The following SNX29 variants were observed in gnomAD, a reference collection of about 807,000 sequenced individuals.
The protein encoded by SNX29 is sorting nexin 29.
In SNX29, 78 loss-of-function variants were observed where a neutral mutation model predicts 102.1. The ratio of observed to expected loss-of-function variants is 0.76; its 90% CI spans 0.64 to 0.92. The LOEUF is 0.92. Ranked by LOEUF, SNX29 falls within the 40% of genes least tolerant of loss-of-function variation. The pLI is 0.00. For synonymous variants in SNX29, 580 were observed against 414.5 expected (o/e 1.40, Z -4.85); for missense variants, 1,280 against 1,061.7 (o/e 1.21, Z -2.86).
intron 11 of SNX29, among the ~76,000 whole-genome samples, chr16:12,084,594 T>C (rs1447803304): frequency 6.6e-6 from 1 of 152,118 alleles, no homozygotes; most frequent in Non-Finnish European, 1.5e-5. Flanking sequence ...CCATGTGCCC[T>C]CAGGGCCGGG....
At chr16:12,183,803 A>G (rs1428741075) in intron 13 of SNX29, among the ~76,000 whole-genome samples, 1 of 152,230 alleles carries the variant, frequency 6.6e-6, no homozygotes, top group East Asian at 1.9e-4. Flanking sequence ...AACAGTTTGC[A>G]GTAAAGAAGC....
intron 20 of SNX29, among the ~76,000 whole-genome samples, chr16:12,541,201 A>G (rs771437578): frequency 6.6e-6 from 1 of 152,156 alleles, no homozygotes; most frequent in Non-Finnish European, 1.5e-5. Flanking sequence ...CTGAAGTATT[A>G]TGGAATATTG....
intron 13 of SNX29, among the ~76,000 whole-genome samples, chr16:12,190,454 G>T (rs562337793): frequency 5.9e-5 from 9 of 152,188 alleles, no homozygotes; most frequent in Non-Finnish European, 1.3e-4. Context: ...GAATACGCTG[G>T]GGGCAGAGGA....
At chr16:11,988,275 C>T (rs921850278) in intron 1 of SNX29, among the ~76,000 whole-genome samples, 5 of 136,270 alleles carry the variant, frequency 3.7e-5, no homozygotes, top group Non-Finnish European at 6.2e-5. Flanking sequence ...GCCTGGGCGA[C>T]AGAGTGCGAC....
At chr16:12,346,678 T>C (rs974728413) in intron 15 of SNX29, among the ~76,000 whole-genome samples, 4 of 152,222 alleles carry the variant, frequency 2.6e-5, no homozygotes, top group Non-Finnish European at 5.9e-5. Flanking sequence ...AGCAGAGGGC[T>C]GGGGCTCCAG....
rs116525451 is a variant in SNX29, at chr16:12,357,100, G to C, written c.1899+821G>C. Among the ~76,000 whole-genome samples, 1,029 of 152,310 alleles carry C rather than the reference G, an allele frequency of 6.8e-3. 10 individuals carry two copies. The highest frequency in any genetic ancestry group is 0.024 in the African/African-American group (984 of 41,568). ...ACAATGCCGTGAGCATCTAACACTT[G>C]TCCTTTTGTGCAGACATATAATAGC... is the stretch of plus-strand genomic sequence containing the variant. On this transcript the variant is annotated intron_variant, in intron 16 of 20. Coordinates refer to ENST00000566228, the MANE Select transcript of SNX29 (RefSeq NM_032167.5).
chr16:12,536,384 C>A (rs2077081588), intron 20 of SNX29, among the ~76,000 whole-genome samples: 1 of 151,892 alleles, frequency 6.6e-6, no homozygotes, highest in African/African-American at 2.4e-5. Flanking sequence ...TTATGACTTT[C>A]ACATTAAAGG....
At chr16:12,561,067 T>TA (rs2078699112) in intron 20 of SNX29, 1 of 224,402 alleles carries the variant, frequency 4.5e-6, no homozygotes, top group South Asian at 1.8e-4. Flanking sequence ...GGTAAAGGCC[T>TA]TGATGGATGT....
At chr16:12,526,323 C>T (rs1341546243) in intron 20 of SNX29, among the ~76,000 whole-genome samples, 1 of 152,080 alleles carries the variant, frequency 6.6e-6, no homozygotes, top group Non-Finnish European at 1.5e-5. Flanking sequence ...TGGGGTGTGC[C>T]CAGCGGTACC....
intron 5 of SNX29, among the ~76,000 whole-genome samples, chr16:12,044,819 G>A (rs2050023165): frequency 6.6e-6 from 1 of 152,156 alleles, no homozygotes; most frequent in South Asian, 2.1e-4. Context: ...CTGACCTCGT[G>A]ATCCTCCCGC....
chr16:12,185,470 C>G (rs1004648891), intron 13 of SNX29, among the ~76,000 whole-genome samples: 5 of 152,190 alleles, frequency 3.3e-5, no homozygotes, highest in Non-Finnish European at 7.4e-5. Context: ...TCTCTGTCTT[C>G]CTCCTACTCG....
At chr16:12,270,839 C>T (rs992743171) in intron 14 of SNX29, among the ~76,000 whole-genome samples, 4 of 151,896 alleles carry the variant, frequency 2.6e-5, no homozygotes, top group African/African-American at 9.7e-5. Context: ...GTCAGGCATT[C>T]GAGACCCACC....
At chr16:12,496,942 A>G (rs530585772) in intron 19 of SNX29, among the ~76,000 whole-genome samples, 51 of 152,294 alleles carry the variant, frequency 3.3e-4, no homozygotes, top group Middle Eastern at 6.8e-3. Context: ...TCAGGCATGC[A>G]CTCGATTCTT....
chr16:12,557,912 G>A lies in SNX29; in HGVS notation c.2319-10594G>A, dbSNP rs539245099. Among the ~76,000 whole-genome samples, 19 of 152,294 alleles carry A rather than the reference G, an allele frequency of 1.2e-4. No individual in the cohort carries two copies. The East Asian group carries it at 2.7e-3, about 22-fold the overall frequency. On this transcript the variant is annotated intron_variant, in intron 20 of 20. Transcript: ENST00000566228. ...CAGGCAACTGGAGGATTCTCAAGTC[G>A]TCAGGGCAGGCAGGCTGCTATTTTC... is the stretch of plus-strand genomic sequence containing the variant.
At chr16:12,249,377 A>G (rs1202403797) in intron 14 of SNX29, among the ~76,000 whole-genome samples, 1 of 152,238 alleles carries the variant, frequency 6.6e-6, no homozygotes, top group African/African-American at 2.4e-5. Flanking sequence ...ACATCCTGAA[A>G]GACAAGCCCA....
intron 16 of SNX29, among the ~76,000 whole-genome samples, chr16:12,389,833 G>A (rs2083462162): frequency 6.6e-6 from 1 of 152,234 alleles, no homozygotes; most frequent in Admixed American, 6.5e-5. Flanking sequence ...GTAGGGCAGA[G>A]CAGGAGAAGT....
intron 18 of SNX29, among the ~76,000 whole-genome samples, chr16:12,469,088 T>C (rs2087214068): frequency 6.6e-6 from 1 of 152,234 alleles, no homozygotes; most frequent in African/African-American, 2.4e-5. Flanking sequence ...GCTGGGTCTC[T>C]GCCACATCCA....
At chr16:12,113,123 C>T (rs1409671536) in intron 11 of SNX29, among the ~76,000 whole-genome samples, 1 of 152,234 alleles carries the variant, frequency 6.6e-6, no homozygotes, top group South Asian at 2.1e-4. Flanking sequence ...GCTTCCCTTC[C>T]CTGCTCTCCA....
chr16:12,160,238 C>G (rs1016902616), intron 13 of SNX29, among the ~76,000 whole-genome samples: 2 of 152,162 alleles, frequency 1.3e-5, no homozygotes, highest in African/African-American at 2.4e-5. Flanking sequence ...CACTTTCTGA[C>G]TGTATTCATG....
Sources: allele counts gnomAD v4.1 joint callset (sites outside exome capture counted in the v4.1 genomes callset), GRCh38; gene constraint gnomAD v4.1.1; transcripts MANE v1.5; gene names NCBI Gene and HGNC (gene_info 2026-07-23, HGNC 2026-07-21).